PARP14: variants seen among roughly 807,000 people sequenced by gnomAD.
The protein encoded by PARP14 is poly(ADP-ribose) polymerase family member 14, also known as protein mono-ADP-ribosyltransferase PARP14.
A neutral mutation model predicts 154.2 loss-of-function variants in PARP14; 59 were observed. The ratio of observed to expected loss-of-function variants is 0.38; its 90% confidence interval spans 0.31 to 0.48. The LOEUF is 0.48. PARP14 is among the 20% of genes least tolerant of loss of function. The pLI, the probability that PARP14 is intolerant of heterozygous loss-of-function variation, is 0.98. For missense variants in PARP14, 1,734 were observed against 2,131.6 expected, an observed-to-expected ratio of 0.81 and a Z score of 3.67; for synonymous variants, 720 against 780.5, an observed-to-expected ratio of 0.92 and a Z score of 1.29.
intron 12 of PARP14, among the ~76,000 whole-genome samples, chr3:122,717,789 C>G (rs1422659812): frequency 1.3e-5 from 2 of 152,168 alleles, no homozygotes; most frequent in Non-Finnish European, 2.9e-5. Context: ...GAGCTGGGAT[C>G]AGTTGAATAG....
intron 15 of PARP14, chr3:122,721,809 T>C (rs1933171628): frequency 6.6e-6 from 1 of 152,252 alleles, no homozygotes; most frequent in African/African-American, 2.4e-5. Flanking sequence ...CTGCCAACAC[T>C]GTTTATTCAT....
At chr3:122,706,740 T>A (rs1285242634) in intron 8 of PARP14, among the ~76,000 whole-genome samples, 1 of 150,928 alleles carries the variant, frequency 6.6e-6, no homozygotes, top group Non-Finnish European at 1.5e-5. Context: ...ATGTTACTTG[T>A]TTTTTTTCCA....
At chr3:122,714,122 A>G (rs79967746) in intron 11 of PARP14, 140 bp from the exon 12 acceptor site, 45,726 of 781,736 alleles carry the variant, frequency 0.058, 1,663 homozygotes, top group Middle Eastern at 0.084. Flanking sequence ...GTTAAGTCAT[A>G]GCATTCCATC....
Position 122,728,591 on chromosome 3 carries a change from A to C in PARP14, c.5400A>C (p.Arg1800Ser). 6.2e-7 allele frequency: 1 copy of C among 1,607,094 alleles called. No homozygotes were observed. Among genetic ancestry groups the C allele is most frequent in the Non-Finnish European group, 8.5e-7 (1 of 1,174,304 alleles). ...ACCCAGAGTACCTTATTACGTTTAGAAAATAACACTTTGGTATCCTTCCCA... is the reference window on the plus strand; with the variant it reads ...ACCCAGAGTACCTTATTACGTTTAGCAAATAACACTTTGGTATCCTTCCCA... ...QAYPEYLITF[R>S]K Residue 1800 changes from arginine (R) to serine (S), a missense_variant, in exon 17 of 17, where the codon AGA (arginine) becomes AGC (serine). Physicochemically the swap from Arg to Ser is moderately radical, Grantham distance 110. Around this residue, in one of 2 missense-constraint regions of PARP14, gnomAD observed 88 missense variants for 155.6 expected, o/e 0.57. Transcript: ENST00000474629.
chr3:122,702,066 G>C (rs936301505), intron 6 of PARP14, among the ~76,000 whole-genome samples: 3 of 152,152 alleles, frequency 2.0e-5, no homozygotes, highest in African/African-American at 7.2e-5. Context: ...AGTGAGCTTG[G>C]GGCCAGAGTC....
chr3:122,681,134 G>T lies in PARP14; in HGVS notation c.187+64G>T. 3.3e-6 allele frequency: 4 copies of T among 1,215,152 alleles called. No homozygotes were observed. The highest frequency in any genetic ancestry group is 4.6e-6 in the Non-Finnish European group (4 of 874,790). The allele number at this position is 1,215,152 out of a possible 1,614,324, so 75.3% of individuals were successfully genotyped here. A position where few individuals can be genotyped will look rare whatever the true frequency, so the allele number is the denominator to read the frequency against. On this transcript the variant is annotated intron_variant, in intron 1 of 16. Coordinates refer to ENST00000474629, the MANE Select transcript of PARP14 (RefSeq NM_017554.3). This position sits in a 1 kb window ranked among gnomAD's most constrained non-coding sequence, Gnocchi z 5.5. The stretch of plus-strand genomic sequence containing the variant: ...CTGCCCTCCCTCCAGGGAAATGGCG[G>T]CAGGGCACGCACGGGAGGGTGACCC...
chr3:122,687,204 G>C, intron 3 of PARP14, 91 bp downstream of exon 3: 1 of 854,402 alleles, frequency 1.2e-6, no homozygotes, highest in Non-Finnish European at 1.9e-6. Flanking sequence ...CTCTCTTCTT[G>C]ACTTCCACTA....
At chr3:122,704,378 G>T in intron 7 of PARP14, 149 bp from the exon 8 acceptor site, 2 of 599,608 alleles carry the variant, frequency 3.3e-6, no homozygotes, top group South Asian at 2.2e-5. Flanking sequence ...GCCTTCTCCT[G>T]TATTTTTCTT....
intron 11 of PARP14, 114 bp downstream of exon 11, chr3:122,714,048 T>C (rs1431545289): frequency 3.5e-6 from 3 of 859,440 alleles, no homozygotes; most frequent in Non-Finnish European, 5.7e-6. Context: ...AATGATACAT[T>C]TTACTAAAGA....
intron 5 of PARP14, among the ~76,000 whole-genome samples, chr3:122,697,211 C>T (rs1227305868): frequency 6.6e-6 from 1 of 152,182 alleles, no homozygotes; most frequent in African/African-American, 2.4e-5. Flanking sequence ...TCCTTTGCCT[C>T]CTAAAGTGCT....
intron 5 of PARP14, among the ~76,000 whole-genome samples, chr3:122,696,316 A>T (rs990156546): frequency 1.3e-5 from 2 of 152,176 alleles, no homozygotes; most frequent in Non-Finnish European, 2.9e-5. Context: ...GCTTCTTGGG[A>T]AAAGAAGGAA....
At chr3:122,684,220 G>A (rs1052397389) in intron 1 of PARP14, among the ~76,000 whole-genome samples, 1 of 152,162 alleles carries the variant, frequency 6.6e-6, no homozygotes, top group Admixed American at 6.5e-5. Flanking sequence ...ATTCATGCTA[G>A]AGCTACACCT....
At chr3:122,719,351 A>G (rs1933099710) in intron 14 of PARP14, among the ~76,000 whole-genome samples, 1 of 152,200 alleles carries the variant, frequency 6.6e-6, no homozygotes, top group African/African-American at 2.4e-5. Flanking sequence ...AAAAACAGAA[A>G]GGAAAGCCTG....
rs748411200 is a variant in PARP14 at position 122,699,999 on chromosome 3, G to A, written c.1445G>A (p.Cys482Tyr). The change falls in exon 6 of 17, where the codon TGT becomes TAT. Residue 482 changes from cysteine to tyrosine, a missense_variant. This residue lies in a region of PARP14 where 1,646 missense variants were observed against 1,976.0 expected (regional missense o/e 0.83). Coordinates refer to ENST00000474629, the MANE Select transcript of PARP14 (RefSeq NM_017554.3). ...TCTCCAGGCAGGTATTTTCTTTTGTGTCACAGCAGTCTACTGGACCATTTA... is the reference window on the plus strand; with the variant it reads ...TCTCCAGGCAGGTATTTTCTTTTGTATCACAGCAGTCTACTGGACCATTTA... ...IISPGRYFLLCHSSLLDHLLT... is the reference protein window; with the variant it reads ...IISPGRYFLLYHSSLLDHLLT... 5.0e-6 allele frequency: 8 copies of A among 1,613,920 alleles called. No homozygotes were observed. In the South Asian group the frequency reaches 7.7e-5, roughly 16 times the overall value.
intron 15 of PARP14, among the ~76,000 whole-genome samples, chr3:122,724,006 C>G (rs191115976): frequency 2.6e-5 from 4 of 152,268 alleles, no homozygotes; most frequent in Non-Finnish European, 4.4e-5. Flanking sequence ...TAGATGTACA[C>G]ATTATCCTCC....
At position 122,718,940 on chromosome 3, in the gene PARP14, C is replaced by T. The variant is rs765698403; in HGVS notation, c.4789C>T (p.Arg1597Cys). The change falls in exon 14 of 17, where the codon CGC becomes TGC. Residue 1597 changes from arginine to cysteine, a missense_variant. By Grantham distance (180) the Arg-to-Cys change is radical (BLOSUM62 -3). Coordinates refer to ENST00000474629, the MANE Select transcript of PARP14 (RefSeq NM_017554.3). ...AAAGGGCCACAGTTTATCTGTTCAG[C>T]GCCTCACGAAATCCAAAGGTGAGTT... ...DTKGHSLSVQ[R>C]LTKSKVDIPA... 6.9e-6 allele frequency: 11 copies of T among 1,583,150 alleles called. No homozygotes were observed. The highest frequency in any genetic ancestry group is 2.7e-5 in the African/African-American group (2 of 73,446).
rs912698795 is a variant in PARP14 at position 122,728,408 on chromosome 3, T to C, written c.5217T>C (p.Tyr1739=). The C allele has an allele frequency of 5.0e-6, 8 of 1,613,714 alleles. No homozygotes were observed. In the African/African-American group the frequency reaches 8.0e-5, roughly 16 times the overall value. Reference sequence around the variant, plus strand: ...ATGCAAATGGGAGAAAGCATGTGTATTATGTGCGAGTACTTACTGGAATCT... The same window carrying C: ...ATGCAAATGGGAGAAAGCATGTGTACTATGTGCGAGTACTTACTGGAATCT... The part of the protein sequence containing the change: ...RPDANGRKHV[Y]YVRVLTGIYT... The change falls in exon 17 of 17, where the codon TAT becomes TAC. Residue 1739 remains tyrosine, a synonymous_variant. Transcript: ENST00000474629.
intron 12 of PARP14, among the ~76,000 whole-genome samples, chr3:122,716,401 G>A (rs572581332): frequency 6.6e-6 from 1 of 152,250 alleles, no homozygotes; most frequent in East Asian, 1.9e-4. Context: ...AATATTTACT[G>A]AGTGCCTGCA....
intron 14 of PARP14, 109 bp downstream of exon 14, chr3:122,719,067 TAATGAAATA>T: frequency 9.1e-7 from 1 of 1,094,984 alleles, no homozygotes; most frequent in South Asian, 1.9e-5. Flanking sequence ...CATGTGACAC[TAATGAAATA>T]AACTAGAAAA....
Sources: gnomAD v4.1 joint callset for allele counts (sites outside exome capture counted in the v4.1 genomes callset) on GRCh38, gnomAD v4.1.1 for gene constraint, gnomAD v4.1.1 regional missense constraint, Gnocchi (gnomAD v3.1) non-coding constraint, MANE v1.5 for transcripts, NCBI Gene and HGNC (gene_info 2026-07-23, HGNC 2026-07-21) for gene names.